Variants in BNIP2 observed in about 807,000 individuals in gnomAD.
BNIP2 encodes BCL2 interacting protein 2, also known as BCL2/adenovirus E1B 19 kDa protein-interacting protein 2.
BNIP2 carries 36 observed loss-of-function variants against 43.4 expected under a neutral mutation model. The observed-to-expected ratio is 0.83, with a 90% confidence interval of 0.64 to 1.10. The LOEUF (loss-of-function observed/expected upper bound fraction) is 1.10. BNIP2 is among the 50% of genes least tolerant of loss of function. BNIP2 has a pLI of 0.00. For synonymous variants in BNIP2, 146 were observed against 121.0 expected, an observed-to-expected ratio of 1.21 and a Z score of -1.35; for missense variants, 417 against 374.1, an observed-to-expected ratio of 1.11 and a Z score of -0.95.
chr15:59,668,537 A>AT (rs1892698827), intron 9 of BNIP2, among the ~76,000 whole-genome samples: 1 of 152,250 alleles, frequency 6.6e-6, no homozygotes, highest in African/African-American at 2.4e-5. Flanking sequence ...ATTGATGATC[A>AT]GTTTACTCAA....
chr15:59,688,934 G>A (rs1894203621), intron 1 of BNIP2: 1 of 1,452,550 alleles, frequency 6.9e-7, no homozygotes, highest in Non-Finnish European at 9.0e-7. Context: ...CAGGACCCAA[G>A]CCAAGGGCGG....
chr15:59,682,539 C>T, intron 1 of BNIP2, 25 bp from the exon 2 acceptor site: 1 of 1,558,090 alleles, frequency 6.4e-7, no homozygotes, highest in Non-Finnish European at 8.7e-7. Flanking sequence ...AAATGTATAA[C>T]TTAATTTCCA....
chr15:59,676,059 C>T (rs1893267066), intron 5 of BNIP2, among the ~76,000 whole-genome samples: 1 of 152,076 alleles, frequency 6.6e-6, no homozygotes, highest in Non-Finnish European at 1.5e-5. Flanking sequence ...GTTATATAGG[C>T]ATTTGTCAAA....
At chr15:59,666,299 T>G (rs1323023212) in intron 9 of BNIP2, among the ~76,000 whole-genome samples, 3 of 152,120 alleles carry the variant, frequency 2.0e-5, no homozygotes, top group Non-Finnish European at 4.4e-5. Flanking sequence ...AGCTTCATAC[T>G]CTTCTTAGCA....
intron 6 of BNIP2, among the ~76,000 whole-genome samples, chr15:59,672,034 C>CCACT (rs1244734175): frequency 6.6e-6 from 1 of 152,074 alleles, no homozygotes; most frequent in East Asian, 1.9e-4. Context: ...CGTAGTTGTA[C>CCACT]CACTGCACTC....
Position 59,661,491 on chromosome 15 carries a change from T to G in BNIP2, c.*2578A>C, listed in dbSNP as rs1892270598. The G allele has an allele frequency of 6.6e-6, 1 of 152,160 alleles. No homozygotes were observed. The allele number at this position is 152,160 out of a possible 1,614,324, so 9.4% of individuals were successfully genotyped here. A position where few individuals can be genotyped will look rare whatever the true frequency, so the allele number is the denominator to read the frequency against. ...ACTTAGAATCATATTTCTTCATATC[T>G]CCCTCTGAGTTAAAGATTGTTAAGC... On this transcript the variant is annotated 3_prime_UTR_variant, in exon 10 of 10. Coordinates refer to ENST00000607373, the MANE Select transcript of BNIP2 (RefSeq NM_004330.4).
At chr15:59,677,095 T>A in intron 5 of BNIP2, 1 of 1,609,536 alleles carries the variant, frequency 6.2e-7, no homozygotes. Context: ...ACTACCTTCA[T>A]AGAAATGGGC....
At position 59,663,642 on chromosome 15, in the gene BNIP2, G is replaced by A. The variant is rs1039925295; in HGVS notation, c.*427C>T. The A allele has an allele frequency of 6.5e-6, 1 of 152,982 alleles. No homozygotes were observed. Among genetic ancestry groups the A allele is most frequent in the Non-Finnish European group, 1.5e-5 (1 of 68,402 alleles). 9.5% of individuals were successfully genotyped at this position (152,982 alleles called of 1,614,324 possible). On this transcript the variant is annotated 3_prime_UTR_variant, in exon 10 of 10. Coordinates refer to ENST00000607373, the MANE Select transcript of BNIP2 (RefSeq NM_004330.4). The stretch of plus-strand genomic sequence containing the variant: ...CTAATATGCACTTTAGAAAATCGTG[G>A]TCTTATATACCTGCATATTTCTTCC...
At chr15:59,682,903 T>G (rs773659334) in intron 1 of BNIP2, among the ~76,000 whole-genome samples, 1 of 152,218 alleles carries the variant, frequency 6.6e-6, no homozygotes, top group East Asian at 1.9e-4. Context: ...GGATAGAGGT[T>G]GATTCTAGAC....
intron 2 of BNIP2, among the ~76,000 whole-genome samples, chr15:59,680,827 T>C (rs1167756377): frequency 6.6e-6 from 1 of 152,196 alleles, no homozygotes; most frequent in Non-Finnish European, 1.5e-5. Context: ...CCCAGGCTGG[T>C]CTCAAGCAAT....
intron 5 of BNIP2, among the ~76,000 whole-genome samples, chr15:59,673,601 A>C (rs574173077): frequency 1.9e-4 from 29 of 151,966 alleles, no homozygotes; most frequent in Non-Finnish European, 7.4e-5. Flanking sequence ...AACCTTTATA[A>C]AATTTTTTTT....
intron 2 of BNIP2, among the ~76,000 whole-genome samples, chr15:59,680,784 T>G (rs769406866): frequency 7.2e-5 from 11 of 152,094 alleles, no homozygotes; most frequent in African/African-American, 2.7e-4. Context: ...ATTTTAAAAG[T>G]TTTTTTGGTA....
chr15:59,680,802 GA>G (rs1480384319), intron 2 of BNIP2, among the ~76,000 whole-genome samples: 2 of 152,128 alleles, frequency 1.3e-5, no homozygotes, highest in Non-Finnish European at 2.9e-5. Flanking sequence ...GTAGAGACCG[GA>G]TATTGCTATG....
In BNIP2 at chr15:59,679,773, A is replaced by G. The variant is rs1345132879; in HGVS notation, c.119-5T>C. 1 of 1,467,562 alleles carries G rather than the reference A, an allele frequency of 6.8e-7. No homozygotes were observed. The highest frequency in any genetic ancestry group is 9.0e-7 in the Non-Finnish European group (1 of 1,111,528). The allele number at this position is 1,467,562 out of a possible 1,614,324, so 90.9% of individuals were successfully genotyped here. ...TTCCATTAACTTCTAGTGAGCCTGG[A>G]ATTGGAAAATAAAGAAAAAGATACG... On this transcript the variant is annotated splice_region_variant and splice_polypyrimidine_tract_variant and intron_variant, in intron 3 of 9. Coordinates refer to ENST00000607373, the MANE Select transcript of BNIP2 (RefSeq NM_004330.4).
chr15:59,668,801 AATAC>A (rs1376275606), intron 9 of BNIP2, 87 bp downstream of exon 9: 19 of 1,156,724 alleles, frequency 1.6e-5, no homozygotes, highest in Middle Eastern at 2.0e-4. Flanking sequence ...TATAAAATAT[AATAC>A]ATAAAGAATG....
intron 1 of BNIP2, among the ~76,000 whole-genome samples, chr15:59,684,085 T>C (rs1163782214): frequency 4.6e-5 from 7 of 152,224 alleles, no homozygotes; most frequent in African/African-American, 1.4e-4. Context: ...AAAATTACAA[T>C]GGAAATATCC....
At chr15:59,669,567 G>A (rs754509665) in intron 7 of BNIP2, among the ~76,000 whole-genome samples, 1 of 152,126 alleles carries the variant, frequency 6.6e-6, no homozygotes, top group Non-Finnish European at 1.5e-5. Context: ...ACTTCATTTG[G>A]CCAGATTTAC....
chr15:59,682,995 C>T (rs932100403), intron 1 of BNIP2, among the ~76,000 whole-genome samples: 3 of 152,142 alleles, frequency 2.0e-5, no homozygotes, highest in Non-Finnish European at 2.9e-5. Flanking sequence ...ATTTCCTTCT[C>T]AATAGTTTGA....
At chr15:59,685,930 C>A (rs564782423) in intron 1 of BNIP2, among the ~76,000 whole-genome samples, 1 of 152,284 alleles carries the variant, frequency 6.6e-6, no homozygotes, top group East Asian at 1.9e-4. Context: ...GTTGTTGCTT[C>A]CCATTTCTTG....
Sources: gnomAD v4.1 joint callset for allele counts (sites outside exome capture counted in the v4.1 genomes callset) on GRCh38, gnomAD v4.1.1 for gene constraint, MANE v1.5 for transcripts, NCBI Gene and HGNC (gene_info 2026-07-23, HGNC 2026-07-21) for gene names.